FSIP1: variants seen among roughly 807,000 people sequenced by gnomAD.
FSIP1 encodes fibrous sheath interacting protein 1.
Under a neutral mutation model 60.9 loss-of-function variants are expected in FSIP1, and 65 were observed. That is an observed-to-expected ratio of 1.07 (90% confidence interval 0.87 to 1.31). The LOEUF is 1.31. Among genes scored for constraint, FSIP1 ranks in the 40% most tolerant of loss-of-function variants. The probability of loss-of-function intolerance (pLI) is 0.00; values close to 1 mark genes in which losing one functional copy is unlikely to be tolerated. For synonymous variants in FSIP1, 209 were observed against 221.2 expected, an observed-to-expected ratio of 0.94 and a Z score of 0.49; for missense variants, 675 against 665.5, an observed-to-expected ratio of 1.01 and a Z score of -0.16.
chr15:39,607,328 G>C (rs948988145), intron 11 of FSIP1, among the ~76,000 whole-genome samples: 1 of 152,220 alleles, frequency 6.6e-6, no homozygotes, highest in Non-Finnish European at 1.5e-5. Flanking sequence ...TTGGAAGCCT[G>C]TCTGGCTGCC....
At chr15:39,657,410 T>C (rs1255007534) in intron 10 of FSIP1, among the ~76,000 whole-genome samples, 5 of 152,214 alleles carry the variant, frequency 3.3e-5, no homozygotes, top group African/African-American at 1.2e-4. Context: ...GCTAGATTGA[T>C]ATTATGACCC....
chr15:39,605,133 A>T (rs920250814), intron 11 of FSIP1, among the ~76,000 whole-genome samples: 1 of 152,224 alleles, frequency 6.6e-6, no homozygotes, highest in East Asian at 1.9e-4. Context: ...AGTCGTCATT[A>T]TTAGTAGAAC....
intron 10 of FSIP1, among the ~76,000 whole-genome samples, chr15:39,654,710 A>G (rs902904475): frequency 3.3e-5 from 5 of 152,234 alleles, no homozygotes; most frequent in Admixed American, 1.3e-4. Context: ...GGCTGGAGCT[A>G]GTTCACAAGG....
At chr15:39,661,663 G>A (rs968442335) in intron 10 of FSIP1, among the ~76,000 whole-genome samples, 2 of 152,138 alleles carry the variant, frequency 1.3e-5, no homozygotes, top group African/African-American at 4.8e-5. Flanking sequence ...CTATGGGTTT[G>A]GTTATAGATT....
At chr15:39,645,634 T>C (rs1246661696) in intron 10 of FSIP1, among the ~76,000 whole-genome samples, 4 of 152,220 alleles carry the variant, frequency 2.6e-5, no homozygotes, top group Non-Finnish European at 5.9e-5. Context: ...GAGCCCTGCC[T>C]CTTCCGAGTT....
At chr15:39,747,456 C>G (rs192993250) in intron 5 of FSIP1, 1 of 152,274 alleles carries the variant, frequency 6.6e-6, no homozygotes, top group East Asian at 1.9e-4. Flanking sequence ...TTATAATGCT[C>G]ACAGATCATT....
intron 10 of FSIP1, among the ~76,000 whole-genome samples, chr15:39,661,066 AAAAT>A (rs1165588593): frequency 1.3e-5 from 2 of 152,228 alleles, no homozygotes; most frequent in East Asian, 1.9e-4. Flanking sequence ...CGTCTCCAAT[AAAAT>A]AAATAAATAA....
Position 39,704,736 on chromosome 15 carries a change from T to C in FSIP1, c.1188+8708A>G, listed in dbSNP as rs547838771. On this transcript the variant is annotated intron_variant, in intron 10 of 11. Coordinates refer to ENST00000350221, the MANE Select transcript of FSIP1 (RefSeq NM_152597.5). ...AATTGAAGGTAGACTTTCCACCCCA[T>C]TCTCTAAGCAGAAGGAACACTCCAG... Among the ~76,000 whole-genome samples, 4 of 152,324 alleles carry C rather than the reference T, an allele frequency of 2.6e-5. No individual in the cohort carries two copies. In the East Asian group the frequency reaches 7.7e-4, roughly 29 times the overall value.
At chr15:39,712,751 C>A (rs1194717862) in intron 10 of FSIP1, among the ~76,000 whole-genome samples, 1 of 152,178 alleles carries the variant, frequency 6.6e-6, no homozygotes, top group Non-Finnish European at 1.5e-5. Flanking sequence ...AGAGCATCAA[C>A]CAGCTCACAA....
At chr15:39,618,964 C>T (rs192688632) in intron 10 of FSIP1, among the ~76,000 whole-genome samples, 5 of 151,998 alleles carry the variant, frequency 3.3e-5, no homozygotes, top group Non-Finnish European at 7.4e-5. Context: ...GTCTACTTCC[C>T]CAAAAAATCA....
chr15:39,645,579 C>G (rs1566866695), intron 10 of FSIP1, among the ~76,000 whole-genome samples: 1 of 151,614 alleles, frequency 6.6e-6, no homozygotes, highest in Non-Finnish European at 1.5e-5. Flanking sequence ...GGCTGCAGAT[C>G]TGGAACTCCC....
In FSIP1 at chr15:39,731,319, A is replaced by T. The variant is rs73395266; in HGVS notation, c.892-4572T>A. ...AGCTTAAAAAAAAAGAAAGTTATGC[A>T]TAATTTTTAAAATATACTATATTAC... On this transcript the variant is annotated intron_variant, in intron 8 of 11. Transcript: ENST00000350221. Among the ~76,000 whole-genome samples, 1,324 of 152,314 alleles carry T rather than the reference A, an allele frequency of 8.7e-3. 19 individuals carry two copies. Among genetic ancestry groups the T allele is most frequent in the African/African-American group, 0.03 (1,245 of 41,560 alleles).
chr15:39,660,055 C>T (rs11631570), intron 10 of FSIP1, among the ~76,000 whole-genome samples: 13,527 of 152,202 alleles, frequency 0.089, 741 homozygotes, highest in East Asian at 0.21. Flanking sequence ...TGGCCAACCT[C>T]CAACTAACTC....
chr15:39,712,832 T>C (rs1895577872), intron 10 of FSIP1, among the ~76,000 whole-genome samples: 1 of 152,118 alleles, frequency 6.6e-6, no homozygotes, highest in African/African-American at 2.4e-5. Flanking sequence ...AAACATGAAG[T>C]AGGCCAAGAA....
intron 10 of FSIP1, among the ~76,000 whole-genome samples, chr15:39,656,351 C>T (rs1893069338): frequency 6.6e-6 from 1 of 152,164 alleles, no homozygotes; most frequent in Admixed American, 6.5e-5. Context: ...TTCCTTATAC[C>T]TATAGCGCCA....
intron 9 of FSIP1, among the ~76,000 whole-genome samples, chr15:39,722,561 C>G (rs1417441590): frequency 1.3e-5 from 2 of 152,080 alleles, no homozygotes; most frequent in African/African-American, 4.8e-5. Context: ...TCCCTAGTTC[C>G]TCTTCCTTCT....
chr15:39,761,345 A>C (rs1300518311), intron 5 of FSIP1, among the ~76,000 whole-genome samples: 1 of 152,248 alleles, frequency 6.6e-6, no homozygotes, highest in Non-Finnish European at 1.5e-5. Context: ...AGATGAATGG[A>C]TAAAGAAAAT....
intron 10 of FSIP1, among the ~76,000 whole-genome samples, chr15:39,667,826 A>G (rs1358151727): frequency 6.6e-6 from 1 of 152,214 alleles, no homozygotes. Flanking sequence ...CTGAAGCAAG[A>G]GGGGCAAAGC....
intron 8 of FSIP1, among the ~76,000 whole-genome samples, chr15:39,732,562 T>C (rs909566962): frequency 4.4e-5 from 6 of 137,864 alleles, no homozygotes; most frequent in African/African-American, 1.7e-4. Context: ...GGGCTTGCAG[T>C]GAGCCAAGAT....
Sources: gnomAD v4.1 joint callset for allele counts (sites outside exome capture counted in the v4.1 genomes callset) on GRCh38, gnomAD v4.1.1 for gene constraint, MANE v1.5 for transcripts, NCBI Gene and HGNC (gene_info 2026-07-23, HGNC 2026-07-21) for gene names.